Variants in FAP observed in about 807,000 individuals in gnomAD.
The protein encoded by FAP is prolyl endopeptidase FAP.
In FAP, 110 loss-of-function variants were observed where a neutral mutation model predicts 126.5. That is an observed-to-expected ratio of 0.87 (90% confidence interval 0.74 to 1.02). The LOEUF (loss-of-function observed/expected upper bound fraction) is 1.02, where lower values mean the gene tolerates loss of function less well. Ranked by LOEUF, FAP falls within the 50% of genes least tolerant of loss-of-function variation. FAP has a pLI of 0.00. For missense variants in FAP, 919 were observed against 909.2 expected (o/e 1.01, Z -0.14); for synonymous variants, 334 against 297.3 (o/e 1.12, Z -1.27).
In FAP at chr2:162,215,984, G is replaced by A. The variant is rs745942476; in HGVS notation, c.780C>T (p.Pro260=). ...IPYPKAGAKN[P]VVRIFIIDTT... ...TATCGATAATAAATATCCGAACAAC[G>A]GGATTCTTAGCTCCAGCCTGCCAAG... The change falls in exon 10 of 26, where the codon CCC becomes CCT. Residue 260 remains proline (P), a synonymous_variant. Transcript: ENST00000188790. 4.3e-6 allele frequency: 7 copies of A among 1,613,742 alleles called. No homozygotes were observed. Among genetic ancestry groups the A allele is most frequent in the Admixed American group, 1.7e-5 (1 of 59,978 alleles).
At chr2:162,243,121 G>T (rs1452863962) in intron 1 of FAP, 129 bp from the exon 2 acceptor site, 2 of 835,596 alleles carry the variant, frequency 2.4e-6, no homozygotes, top group Non-Finnish European at 3.9e-6. Context: ...CCACTGATCC[G>T]GCTATAATTG....
rs1688196756 is a variant in FAP, at chr2:162,194,972, C to T, written c.1403-224G>A. On this transcript the variant is annotated intron_variant, in intron 16 of 25. Transcript: ENST00000188790. ...AAGAACAGCTGTGAAAGAAGCCTTGCCTGTGCACTTTTCCAAGACTAATCC... is the reference window on the plus strand; with the variant it reads ...AAGAACAGCTGTGAAAGAAGCCTTGTCTGTGCACTTTTCCAAGACTAATCC... 3 of 553,124 alleles carry T rather than the reference C, an allele frequency of 5.4e-6. No individual in the cohort carries two copies. In the Admixed American group the frequency reaches 9.2e-5, roughly 17 times the overall value. The allele number at this position is 553,124 out of a possible 1,614,324, so 34.3% of individuals were successfully genotyped here.
chr2:162,179,656 GT>G (rs1687614296), intron 21 of FAP, among the ~76,000 whole-genome samples: 1 of 151,998 alleles, frequency 6.6e-6, no homozygotes, highest in Non-Finnish European at 1.5e-5. Context: ...GCAAGTGTGA[GT>G]TATCCATTTG....
chr2:162,191,368 CTT>C (rs1307337339), intron 17 of FAP, among the ~76,000 whole-genome samples: 9 of 152,166 alleles, frequency 5.9e-5, no homozygotes, highest in African/African-American at 1.9e-4. Context: ...TTTTCCACCT[CTT>C]GGAGCACAAA....
intron 16 of FAP, chr2:162,194,987 A>G (rs2106234967): frequency 1.9e-6 from 1 of 536,110 alleles, no homozygotes; most frequent in East Asian, 3.1e-5. Context: ...GCACTTTTCC[A>G]AGACTAATCC....
intron 11 of FAP, among the ~76,000 whole-genome samples, chr2:162,211,729 G>C (rs955931447): frequency 3.9e-5 from 6 of 152,114 alleles, no homozygotes; most frequent in Admixed American, 1.3e-4. Flanking sequence ...TTCAGAGGAG[G>C]AAGCATAATA....
intron 2 of FAP, among the ~76,000 whole-genome samples, chr2:162,228,061 G>T (rs1689730492): frequency 6.6e-6 from 1 of 152,098 alleles, no homozygotes; most frequent in African/African-American, 2.4e-5. Context: ...TTACCATAAG[G>T]CCAGGAATCA....
At chr2:162,176,892 T>C (rs987578613) in intron 21 of FAP, among the ~76,000 whole-genome samples, 2 of 152,212 alleles carry the variant, frequency 1.3e-5, no homozygotes, top group African/African-American at 4.8e-5. Flanking sequence ...TAGTGTTGTA[T>C]TTAAATAAAG....
chr2:162,205,616 T>C (rs1688671514), intron 12 of FAP, among the ~76,000 whole-genome samples: 1 of 152,062 alleles, frequency 6.6e-6, no homozygotes, highest in Non-Finnish European at 1.5e-5. Context: ...CGGGCACAAG[T>C]GATTCTCCTG....
rs139558434 is a variant in FAP, at chr2:162,232,642, C to A, written c.92-6021G>T. On this transcript the variant is annotated intron_variant, in intron 2 of 25. Transcript: ENST00000188790. ...TTGAAGAATGTCTCAGCTCTAACAG[C>A]AATTTTCCATGGTTTTCTCTATGAA... Among the ~76,000 whole-genome samples, 13 of 152,298 alleles carry A rather than the reference C, an allele frequency of 8.5e-5. No homozygotes were observed. The East Asian group carries it at 2.1e-3, about 25-fold the overall frequency.
chr2:162,208,418 G>A (rs1456051790), intron 12 of FAP, among the ~76,000 whole-genome samples: 2 of 152,154 alleles, frequency 1.3e-5, no homozygotes, highest in Non-Finnish European at 2.9e-5. Context: ...AAGTGTTTCA[G>A]TGTTTTGAAC....
intron 21 of FAP, among the ~76,000 whole-genome samples, chr2:162,181,136 G>A (rs1172706486): frequency 6.6e-6 from 1 of 151,974 alleles, no homozygotes; most frequent in Non-Finnish European, 1.5e-5. Context: ...TATTAGCCAG[G>A]CGTGGTGGGA....
chr2:162,185,259 T>G (rs967623751), intron 20 of FAP, among the ~76,000 whole-genome samples: 2 of 152,202 alleles, frequency 1.3e-5, no homozygotes, highest in Admixed American at 6.6e-5. Context: ...CAAGGTAAAC[T>G]TGGAATCATA....
At chr2:162,195,873 T>G (rs1483288732) in intron 16 of FAP, among the ~76,000 whole-genome samples, 1 of 151,962 alleles carries the variant, frequency 6.6e-6, no homozygotes, top group Non-Finnish European at 1.5e-5. Context: ...CCCCCCCAGA[T>G]AGGGTGAGGA....
At chr2:162,235,721 G>A (rs1208224589) in intron 2 of FAP, among the ~76,000 whole-genome samples, 1 of 152,156 alleles carries the variant, frequency 6.6e-6, no homozygotes, top group Non-Finnish European at 1.5e-5. Context: ...AGCCAGCAGT[G>A]GCACTCTGCT....
In FAP at chr2:162,214,026, C is replaced by T. The variant is rs1689066159; in HGVS notation, c.914G>A (p.Cys305Tyr). ...WLTWVTDERV[C>Y]LQWLKRVQNV... The stretch of plus-strand genomic sequence containing the variant: ...CTGGACTCTTTTTAGCCACTGCAAA[C>T]ATACTCGTTCATCAGTAACCCACGT... Residue 305 changes from cysteine (C) to tyrosine (Y), a missense_variant, in exon 11 of 26, where the codon TGT becomes TAT. Physicochemically the swap from Cys to Tyr is radical, Grantham distance 194. Transcript: ENST00000188790. 1 of 1,614,090 alleles carries T rather than the reference C, an allele frequency of 6.2e-7. No individual in the cohort carries two copies. Among genetic ancestry groups the T allele is most frequent in the Non-Finnish European group, 8.5e-7 (1 of 1,179,988 alleles).
chr2:162,170,863 ATTAAT>A lies in FAP; in HGVS notation c.*111_*115del. On this transcript the variant is annotated 3_prime_UTR_variant, in exon 26 of 26. Transcript: ENST00000188790. ...TTTTTTTAACAGCCTTTAGAACAAC[ATTAAT>A]TTGTTTGTTTATACTAGCATTTTAC... The A allele has an allele frequency of 2.7e-6, 2 of 733,284 alleles. No individual in the cohort carries two copies. The highest frequency in any genetic ancestry group is 4.6e-6 in the Non-Finnish European group (2 of 436,622). The allele number at this position is 733,284 out of a possible 1,614,324, so 45.4% of individuals were successfully genotyped here.
Position 162,183,421 on chromosome 2 carries a change from C to T in FAP, c.1862G>A (p.Trp621Ter), listed in dbSNP as rs752749250. 1.2e-6 allele frequency: 2 copies of T among 1,609,058 alleles called. No homozygotes were observed. The highest frequency in any genetic ancestry group is 8.5e-7 in the Non-Finnish European group (1 of 1,176,886). Reference sequence around the variant, plus strand: ...AAATATAAAACAACTCACCCAGCCCCATATGGCTATTCTTTTTTCATCAAT... The same window carrying T: ...AAATATAAAACAACTCACCCAGCCCTATATGGCTATTCTTTTTTCATCAAT... ...GFIDEKRIAI[W>*]GWSYGGYVSS... The change falls in exon 21 of 26, where the codon TGG becomes TAG. Residue 621 changes from tryptophan to a stop codon, truncating the protein, a stop_gained. Transcript: ENST00000188790. LOFTEE classifies it high-confidence loss of function.
At chr2:162,194,396 G>A (rs1263778519) in intron 17 of FAP, among the ~76,000 whole-genome samples, 2 of 151,366 alleles carry the variant, frequency 1.3e-5, no homozygotes, top group African/African-American at 4.9e-5. Flanking sequence ...AATGTGCTAA[G>A]TTTTTTCCCA....
Sources: allele counts gnomAD v4.1 joint callset (sites outside exome capture counted in the v4.1 genomes callset), GRCh38; gene constraint gnomAD v4.1.1; transcripts MANE v1.5; gene names NCBI Gene and HGNC (gene_info 2026-07-23, HGNC 2026-07-21).